Variants in TEX30 observed in about 807,000 individuals in gnomAD.
TEX30 encodes the protein testis-expressed protein 30.
Under a neutral mutation model 23.8 loss-of-function variants are expected in TEX30, and 14 were observed. The ratio of observed to expected loss-of-function variants is 0.59; its 90% CI spans 0.39 to 0.92. The LOEUF (loss-of-function observed/expected upper bound fraction) is 0.92, where lower values mean the gene tolerates loss of function less well. Ranked by LOEUF, TEX30 falls within the 40% of genes least tolerant of loss-of-function variation. The pLI is 0.00. For synonymous variants in TEX30, 78 were observed against 90.2 expected, an observed-to-expected ratio of 0.87 and a Z score of 0.76; for missense variants, 246 against 270.6, an observed-to-expected ratio of 0.91 and a Z score of 0.64.
At position 102,769,311 on chromosome 13, in the gene TEX30, C is replaced by T; in HGVS notation, c.246G>A (p.Leu82=). The change falls in exon 3 of 6, where the codon TTG becomes TTA. Residue 82 remains leucine (L), a splice_region_variant and synonymous_variant. Transcript: ENST00000376032. ...AGTAAATATAAAGAAATTTTCTTAC[C>T]AAAACTGATTTATACGCCTTAATTC... ...VHRIKAYKSV[L]NYLKTSGEYK... 6 of 1,503,246 alleles carry T rather than the reference C, an allele frequency of 4.0e-6. No homozygotes were observed. The highest frequency in any genetic ancestry group is 2.6e-5 in the Admixed American group (1 of 38,978). The allele number at this position is 1,503,246 out of a possible 1,614,324, so 93.1% of individuals were successfully genotyped here. A position where few individuals can be genotyped will look rare whatever the true frequency, so the allele number is the denominator to read the frequency against.
At chr13:102,766,837 C>T (rs1052559707) in intron 5 of TEX30, among the ~76,000 whole-genome samples, 1 of 152,114 alleles carries the variant, frequency 6.6e-6, no homozygotes, top group African/African-American at 2.4e-5. Context: ...TTTCTTCCCC[C>T]AAAAATCTTT....
chr13:102,771,747 C>A (rs1313887015), intron 1 of TEX30, among the ~76,000 whole-genome samples: 1 of 152,190 alleles, frequency 6.6e-6, no homozygotes, highest in African/African-American at 2.4e-5. Context: ...AGCCTCCATC[C>A]AGTCTTCTAA....
At chr13:102,771,906 G>A (rs908953751) in intron 1 of TEX30, among the ~76,000 whole-genome samples, 1 of 152,192 alleles carries the variant, frequency 6.6e-6, no homozygotes, top group African/African-American at 2.4e-5. Flanking sequence ...TACCACCGCT[G>A]TCCAGTGCTG....
chr13:102,770,521 A>G (rs1054529666), intron 1 of TEX30, among the ~76,000 whole-genome samples: 1 of 152,230 alleles, frequency 6.6e-6, no homozygotes, highest in Non-Finnish European at 1.5e-5. Flanking sequence ...GGAACTTCAC[A>G]GTGCTGCTAG....
intron 2 of TEX30, 119 bp downstream of exon 2, chr13:102,769,893 A>T: frequency 1.1e-6 from 1 of 879,834 alleles, no homozygotes; most frequent in Non-Finnish European, 1.6e-6. Context: ...GCTCTTAACC[A>T]CTTATGCTAT....
chr13:102,771,554 A>G (rs1318158578), intron 1 of TEX30, among the ~76,000 whole-genome samples: 1 of 151,730 alleles, frequency 6.6e-6, no homozygotes, highest in Non-Finnish European at 1.5e-5. Flanking sequence ...AGCGTGTAGA[A>G]TTCTCTTATT....
At chr13:102,766,867 C>A (rs570412621) in intron 5 of TEX30, among the ~76,000 whole-genome samples, 1 of 152,220 alleles carries the variant, frequency 6.6e-6, no homozygotes, top group East Asian at 1.9e-4. Flanking sequence ...AAATTATATG[C>A]CCTGGGGAAT....
intron 4 of TEX30, 33 bp downstream of exon 4, chr13:102,768,227 T>G (rs1877050115): frequency 3.3e-6 from 5 of 1,529,682 alleles, no homozygotes; most frequent in Non-Finnish European, 4.5e-6. Context: ...TTAAAACAGG[T>G]AATTAACAAG....
At chr13:102,769,567 CA>C in intron 2 of TEX30, 26 bp from the exon 3 acceptor site, 1 of 1,426,540 alleles carries the variant, frequency 7.0e-7, no homozygotes. Flanking sequence ...ATAAAGGGAT[CA>C]AAAATTACTT....
intron 3 of TEX30, 29 bp downstream of exon 3, chr13:102,769,282 T>C (rs1212579264): frequency 4.4e-6 from 6 of 1,375,734 alleles, no homozygotes; most frequent in Non-Finnish European, 5.9e-6. Context: ...AGAATTCTGT[T>C]ATAAGTAAAT....
At chr13:102,769,983 T>C (rs1486239911) in intron 2 of TEX30, 29 bp downstream of exon 2, 13 of 1,427,070 alleles carry the variant, frequency 9.1e-6, no homozygotes, top group East Asian at 5.1e-5. Context: ...CCAGGAACCC[T>C]GAAGATGCAG....
chr13:102,773,217 G>A (rs1225495427), intron 1 of TEX30, among the ~76,000 whole-genome samples: 1 of 152,218 alleles, frequency 6.6e-6, no homozygotes, highest in Non-Finnish European at 1.5e-5. Context: ...AGTCTTACGG[G>A]GGGTCGGGTC....
In TEX30 at chr13:102,766,185, CACCTTCAATATTTTT is replaced by C. The variant is rs1482906509; in HGVS notation, c.*201_*215del. 3.5e-5 allele frequency: 12 copies of C among 340,560 alleles called. No homozygotes were observed. The highest frequency in any genetic ancestry group is 5.8e-5 in the Non-Finnish European group (11 of 190,858). 21.1% of individuals were successfully genotyped at this position (340,560 alleles called of 1,614,324 possible). On this transcript the variant is annotated 3_prime_UTR_variant, in exon 6 of 6. Coordinates refer to ENST00000376032, the MANE Select transcript of TEX30 (RefSeq NM_138779.5). ...TAATGAAAATAAATTATATGTAGAC[CACCTTCAATATTTTT>C]ACATCATCTTTATACAACTGTAACA... is the stretch of plus-strand genomic sequence containing the variant.
rs199741719 is a variant in TEX30, at chr13:102,766,496, T to A, written c.589A>T (p.Lys197Ter). The A allele has an allele frequency of 1.2e-6, 2 of 1,614,010 alleles. No homozygotes were observed. Among genetic ancestry groups the A allele is most frequent in the Non-Finnish European group, 1.7e-6 (2 of 1,179,998 alleles). Reference protein sequence around the residue: ...IEKANHSMAVKGRSTNDVFKE... With the variant: ...IEKANHSMAV ...AAAACATCATTTGTCGACCGTCCTT[T>A]CACTGCCATGGAATGATTTGCCTTC... Residue 197 changes from lysine (K) to a stop codon, truncating the protein, a stop_gained, in exon 6 of 6, where the codon AAA becomes TAA. Coordinates refer to ENST00000376032, the MANE Select transcript of TEX30 (RefSeq NM_138779.5). LOFTEE classifies it high-confidence loss of function.
At position 102,769,372 on chromosome 13, in the gene TEX30, A is replaced by C; in HGVS notation, c.185T>G (p.Leu62Arg). Residue 62 changes from leucine (L) to arginine (R), a missense_variant, in exon 3 of 6, where the codon CTG becomes CGG. Leu to Arg is a moderately radical substitution (Grantham distance 102). Transcript: ENST00000376032. Reference protein sequence around the residue: ...SHLASHGFFCLRFTCKGLNIV... With the variant: ...SHLASHGFFCRRFTCKGLNIV... ...ATTAAGGCCTTTACAGGTAAATCTCAGGCAGAAAAACCCATGAGATGCAAG... is the reference window on the plus strand; with the variant it reads ...ATTAAGGCCTTTACAGGTAAATCTCCGGCAGAAAAACCCATGAGATGCAAG... 1 of 1,604,820 alleles carries C rather than the reference A, an allele frequency of 6.2e-7. No individual in the cohort carries two copies. Among genetic ancestry groups the C allele is most frequent in the Non-Finnish European group, 8.5e-7 (1 of 1,177,034 alleles).
chr13:102,767,393 A>G lies in TEX30; in HGVS notation c.384T>C (p.Ile128=). The G allele has an allele frequency of 6.2e-7, 1 of 1,614,152 alleles. No homozygotes were observed. Among genetic ancestry groups the G allele is most frequent in the South Asian group, 1.1e-5 (1 of 91,076 alleles). Residue 128 remains isoleucine (I), a synonymous_variant, in exon 5 of 6, where the codon ATT becomes ATC. Transcript: ENST00000376032. ...DDGDDFVRGL[I]CISYPLHHPK... ...GATGGTGCAGTGGGTAAGAAATACA[A>G]ATGAGACCCCGAACAAAATCATCAC...
intron 4 of TEX30, 126 bp downstream of exon 4, chr13:102,768,134 T>C (rs957372079): frequency 3.7e-5 from 27 of 736,290 alleles, no homozygotes; most frequent in Non-Finnish European, 5.7e-5. Flanking sequence ...ATTAAAAAGG[T>C]GACTTACCAA....
chr13:102,767,194 T>C, intron 5 of TEX30, 79 bp downstream of exon 5: 1 of 1,431,132 alleles, frequency 7.0e-7, no homozygotes, highest in Non-Finnish European at 9.6e-7. Context: ...AAAGACACTG[T>C]TGCCAGAAGT....
At chr13:102,768,356 C>A in intron 3 of TEX30, 45 bp from the exon 4 acceptor site, 1 of 1,403,426 alleles carries the variant, frequency 7.1e-7, no homozygotes, top group South Asian at 1.3e-5. Flanking sequence ...ATAAAATATT[C>A]CACTGGAAAG....
Sources: allele counts gnomAD v4.1 joint callset (sites outside exome capture counted in the v4.1 genomes callset), GRCh38; gene constraint gnomAD v4.1.1; transcripts MANE v1.5; gene names NCBI Gene and HGNC (gene_info 2026-07-23, HGNC 2026-07-21).